FAM107A: variants seen among roughly 807,000 people sequenced by gnomAD.
FAM107A encodes the protein actin-associated protein FAM107A.
FAM107A carries 19 observed loss-of-function variants against 13.7 expected under a neutral mutation model. The observed-to-expected ratio is 1.38, with a 90% confidence interval of 0.97 to 2.03. FAM107A has a LOEUF of 2.03. Among genes scored for constraint, FAM107A ranks in the 30% most tolerant of loss-of-function variants. The pLI, the probability that FAM107A is intolerant of heterozygous loss-of-function variation, is 0.00. For synonymous variants in FAM107A, 82 were observed against 74.5 expected (o/e 1.10, Z -0.52); for missense variants, 203 against 184.4 (o/e 1.10, Z -0.58).
chr3:58,582,377 C>T (rs1039354746), upstream of FAM107A, among the ~76,000 whole-genome samples: 3 of 152,188 alleles, frequency 2.0e-5, no homozygotes, highest in African/African-American at 7.2e-5. Flanking sequence ...TGCTGATGCC[C>T]GCAGGCACCT....
chr3:58,585,617 T>C (rs1289326075), intron 1 of FAM107A, among the ~76,000 whole-genome samples: 1 of 152,218 alleles, frequency 6.6e-6, no homozygotes, highest in Non-Finnish European at 1.5e-5. Flanking sequence ...CAGGCAGGCC[T>C]ACGGGTGGGG....
At chr3:58,612,396 A>G (rs1442376915) in intron 1 of FAM107A, among the ~76,000 whole-genome samples, 2 of 152,130 alleles carry the variant, frequency 1.3e-5, no homozygotes, top group African/African-American at 2.4e-5. Context: ...CCTAGGCAAC[A>G]TCGTGATAAC....
At chr3:58,607,610 G>A (rs1397354649) in intron 1 of FAM107A, 1 of 152,096 alleles carries the variant, frequency 6.6e-6, no homozygotes, top group African/African-American at 2.4e-5. Context: ...GTGTGTATAC[G>A]TGTGCATGTA....
chr3:58,566,991 C>G, intron 3 of FAM107A: 2 of 626,124 alleles, frequency 3.2e-6, no homozygotes, highest in Non-Finnish European at 5.7e-6. Context: ...ATGCAGTACA[C>G]TGGGCCAGTG....
chr3:58,581,720 C>T (rs1298910971), upstream of FAM107A, among the ~76,000 whole-genome samples: 3 of 152,120 alleles, frequency 2.0e-5, no homozygotes, highest in Non-Finnish European at 4.4e-5. Flanking sequence ...GAATGAGAGT[C>T]GCCTTTACAA....
intron 1 of FAM107A, among the ~76,000 whole-genome samples, chr3:58,602,844 A>G (rs1294605173): frequency 4.6e-5 from 7 of 152,210 alleles, no homozygotes; most frequent in Non-Finnish European, 2.9e-5. Flanking sequence ...CCAACCTAAT[A>G]TATACATGTT....
chr3:58,626,948 A>G lies in FAM107A; in HGVS notation c.-70+468T>C, dbSNP rs1222083223. 7.8e-6 allele frequency: 12 copies of G among 1,535,606 alleles called. No homozygotes were observed. The East Asian group carries it at 1.2e-4, about 16-fold the overall frequency. The stretch of plus-strand genomic sequence containing the variant: ...CTCCCTTCCCATGACCAGGGCCCCA[A>G]CAGGACACTTAGAGGTTCCTACCTT... On this transcript the variant is annotated intron_variant, in intron 1 of 3. Transcript: ENST00000465970.
At chr3:58,605,035 G>A (rs957819941) in intron 1 of FAM107A, among the ~76,000 whole-genome samples, 7 of 152,188 alleles carry the variant, frequency 4.6e-5, no homozygotes, top group African/African-American at 1.4e-4. Context: ...CTCTTTCCAA[G>A]TCCCTTTAAC....
intron 1 of FAM107A, among the ~76,000 whole-genome samples, chr3:58,584,564 G>A (rs1353540138): frequency 2.0e-5 from 3 of 152,114 alleles, no homozygotes; most frequent in Non-Finnish European, 4.4e-5. Flanking sequence ...TCTGAACCTC[G>A]GTCTTCTTAT....
At chr3:58,619,981 C>T (rs2065937896) in intron 1 of FAM107A, among the ~76,000 whole-genome samples, 1 of 152,006 alleles carries the variant, frequency 6.6e-6, no homozygotes, top group Non-Finnish European at 1.5e-5. Flanking sequence ...CAGTCTATGT[C>T]CCTTCCCCCC....
At chr3:58,575,517 T>C (rs2063723260) in intron 1 of FAM107A, among the ~76,000 whole-genome samples, 1 of 32,628 alleles carries the variant, frequency 3.1e-5, no homozygotes, top group Non-Finnish European at 1.5e-4. Flanking sequence ...GAGGCCAAGC[T>C]ACTTGTCTCG....
chr3:58,577,559 C>T (rs937371279), upstream of FAM107A: 6 of 985,382 alleles, frequency 6.1e-6, no homozygotes, highest in African/African-American at 1.7e-5. This position sits in a 1 kb window ranked among gnomAD's most constrained non-coding sequence, Gnocchi z 4.9. Context: ...TTCCACGATG[C>T]GGAACATCAT....
intron 1 of FAM107A, among the ~76,000 whole-genome samples, chr3:58,612,484 G>A (rs758761160): frequency 2.0e-5 from 3 of 152,014 alleles, no homozygotes; most frequent in Non-Finnish European, 2.9e-5. Context: ...GGAGGCTGAG[G>A]TGGGAGGATC....
At chr3:58,587,196 G>A, upstream of FAM107A, 2 of 1,055,144 alleles carry the variant, frequency 1.9e-6, no homozygotes, top group African/African-American at 1.7e-5. Context: ...AGGACTCCTA[G>A]CCCCGAGGTT....
chr3:58,612,070 A>G (rs1044112831), intron 1 of FAM107A, among the ~76,000 whole-genome samples: 2 of 152,036 alleles, frequency 1.3e-5, no homozygotes, highest in African/African-American at 4.8e-5. Context: ...GAAAGTCTAC[A>G]TGTCCTCACA....
chr3:58,572,310 C>T (rs890404856), intron 1 of FAM107A, among the ~76,000 whole-genome samples: 5 of 152,172 alleles, frequency 3.3e-5, no homozygotes, highest in African/African-American at 7.2e-5. Flanking sequence ...AGTCAGCACA[C>T]ACACAAGCCA....
chr3:58,598,944 CT>C (rs1298166517), intron 1 of FAM107A, among the ~76,000 whole-genome samples: 1 of 151,556 alleles, frequency 6.6e-6, no homozygotes, highest in Non-Finnish European at 1.5e-5. Flanking sequence ...TTTTTCTTTT[CT>C]TTTTCTTTTT....
chr3:58,605,221 A>C (rs2108073591), intron 1 of FAM107A, among the ~76,000 whole-genome samples: 1 of 152,246 alleles, frequency 6.6e-6, no homozygotes, highest in South Asian at 2.1e-4. Flanking sequence ...AATGTCTCCC[A>C]GCCCCAGCTG....
chr3:58,575,179 G>C (rs2063720633), intron 1 of FAM107A, among the ~76,000 whole-genome samples: 1 of 152,220 alleles, frequency 6.6e-6, no homozygotes, highest in African/African-American at 2.4e-5. Context: ...GGTTAAAGCA[G>C]ATGTTTTAGT....
Sources: gnomAD v4.1 joint callset for allele counts (sites outside exome capture counted in the v4.1 genomes callset) on GRCh38, gnomAD v4.1.1 for gene constraint, Gnocchi (gnomAD v3.1) non-coding constraint, MANE v1.5 for transcripts, NCBI Gene and HGNC (gene_info 2026-07-23, HGNC 2026-07-21) for gene names.